CDIP1: variants seen among roughly 807,000 people sequenced by gnomAD.
CDIP1 encodes the protein cell death inducing p53 target 1.
CDIP1 carries 9 observed loss-of-function variants against 17.7 expected under a neutral mutation model. The ratio of observed to expected loss-of-function variants is 0.51; its 90% CI spans 0.31 to 0.89. CDIP1 has a LOEUF of 0.89. CDIP1 is among the 40% of genes least tolerant of loss of function. The pLI is 0.05. For synonymous variants in CDIP1, 117 were observed against 109.5 expected (o/e 1.07, Z -0.43); for missense variants, 263 against 277.9 (o/e 0.95, Z 0.38).
At chr16:4,535,979 G>C (rs1016401652) in intron 1 of CDIP1, among the ~76,000 whole-genome samples, 2 of 152,176 alleles carry the variant, frequency 1.3e-5, no homozygotes, top group African/African-American at 2.4e-5. Flanking sequence ...GTCCCCTCGT[G>C]GGGGAAAGGG....
intron 1 of CDIP1, among the ~76,000 whole-genome samples, chr16:4,534,857 T>C (rs1429187647): frequency 5.3e-5 from 8 of 152,030 alleles, no homozygotes; most frequent in Admixed American, 1.3e-4. Context: ...TAGCTGGGAT[T>C]ACAGGCATGC....
At position 4,529,253 on chromosome 16, in the gene CDIP1, C is replaced by G. The variant is rs1236976899; in HGVS notation, c.-105+9449G>C. Reference sequence around the variant, plus strand: ...CTGTAAAGTTGGAATGTAATGACCTCACAGTCCTGCTAGCCTAGGAGACCC... The same window carrying G: ...CTGTAAAGTTGGAATGTAATGACCTGACAGTCCTGCTAGCCTAGGAGACCC... On this transcript the variant is annotated intron_variant, in intron 1 of 5. Coordinates refer to ENST00000567695, the MANE Select transcript of CDIP1 (RefSeq NM_013399.3). 3.3e-5 allele frequency among the ~76,000 whole-genome samples: 5 copies of G among 152,182 alleles called. 1 individual carries two copies. The highest frequency in any genetic ancestry group is 1.3e-4 in the Admixed American group (2 of 15,278).
intron 1 of CDIP1, among the ~76,000 whole-genome samples, chr16:4,522,079 C>G (rs1204004230): frequency 6.6e-6 from 1 of 152,196 alleles, no homozygotes; most frequent in Non-Finnish European, 1.5e-5. Flanking sequence ...AAGGGGATGC[C>G]TCTACCGGAT....
At chr16:4,516,835 G>A (rs939383973) in intron 1 of CDIP1, among the ~76,000 whole-genome samples, 1 of 150,052 alleles carries the variant, frequency 6.7e-6, no homozygotes, top group East Asian at 2.0e-4. Context: ...AGCCTCCCAA[G>A]TAGCTGAGAC....
intron 1 of CDIP1, among the ~76,000 whole-genome samples, chr16:4,530,667 C>CA (rs1025735638): frequency 2.7e-5 from 4 of 148,170 alleles, no homozygotes; most frequent in African/African-American, 4.9e-5. Context: ...AAAACAAAAA[C>CA]AAAAAAAACA....
chr16:4,513,967 A>G lies in CDIP1; in HGVS notation c.85+79T>C. The G allele has an allele frequency of 7.5e-7, 1 of 1,338,746 alleles. No homozygotes were observed. The highest frequency in any genetic ancestry group is 1.0e-6 in the Non-Finnish European group (1 of 983,772). 82.9% of individuals were successfully genotyped at this position (1,338,746 alleles called of 1,614,324 possible). On this transcript the variant is annotated intron_variant, in intron 3 of 5. Coordinates refer to ENST00000567695, the MANE Select transcript of CDIP1 (RefSeq NM_013399.3). This position sits in a 1 kb window ranked among gnomAD's most constrained non-coding sequence, Gnocchi z 4.1. The stretch of plus-strand genomic sequence containing the variant: ...GCCCAGGGGTAACCCTGGAGTGGGC[A>G]TCACCACTTAGAGAGTCCCAACCAT...
intron 1 of CDIP1, among the ~76,000 whole-genome samples, chr16:4,519,281 T>C (rs2058919978): frequency 6.6e-6 from 1 of 152,176 alleles, no homozygotes; most frequent in Non-Finnish European, 1.5e-5. Context: ...TGGGGGTTTC[T>C]CCCCAATAAC....
At chr16:4,536,618 T>C (rs1596499971) in intron 1 of CDIP1, 1 of 152,282 alleles carries the variant, frequency 6.6e-6, no homozygotes, top group South Asian at 2.1e-4. Context: ...ATGGTGATTC[T>C]AGAACCACGG....
rs1253726917 is a variant in CDIP1, at chr16:4,510,729, A to G, written c.*1843T>C. The G allele has an allele frequency of 1.3e-5, 2 of 152,244 alleles. No individual in the cohort carries two copies. The highest frequency in any genetic ancestry group is 4.8e-5 in the African/African-American group (2 of 41,468). The allele number at this position is 152,244 out of a possible 1,614,324, so 9.4% of individuals were successfully genotyped here. ...CATGAACTTAAATAATTTTATTAAT[A>G]GGAATCTACTACCTGTAAAAGTTTT... On this transcript the variant is annotated 3_prime_UTR_variant, in exon 6 of 6. Coordinates refer to ENST00000567695, the MANE Select transcript of CDIP1 (RefSeq NM_013399.3).
chr16:4,525,422 A>T (rs2058989732), intron 1 of CDIP1, among the ~76,000 whole-genome samples: 1 of 152,104 alleles, frequency 6.6e-6, no homozygotes. Context: ...AGTGAACGTT[A>T]ATAGAGCATG....
chr16:4,512,469 G>A lies in CDIP1; in HGVS notation c.*103C>T, dbSNP rs1861653. The A allele has an allele frequency of 4.4e-3, 3,632 of 827,240 alleles. 7 individuals are homozygous for A. The highest frequency in any genetic ancestry group is 5.5e-3 in the Non-Finnish European group (2,678 of 484,534). 51.2% of individuals were successfully genotyped at this position (827,240 alleles called of 1,614,324 possible). A position where few individuals can be genotyped will look rare whatever the true frequency, so the allele number is the denominator to read the frequency against. ...CAGGACTTCTAGGGGATGGTGGCAC[G>A]GCTCCCAGCCCCAAGTGGGAGCGGG... On this transcript the variant is annotated 3_prime_UTR_variant, in exon 6 of 6. Coordinates refer to ENST00000567695, the MANE Select transcript of CDIP1 (RefSeq NM_013399.3). The surrounding 1 kb of genome is among the most constrained non-coding windows in gnomAD (Gnocchi z 4.6).
intron 1 of CDIP1, among the ~76,000 whole-genome samples, chr16:4,530,026 C>A (rs1172068376): frequency 6.6e-6 from 1 of 152,232 alleles, no homozygotes; most frequent in Non-Finnish European, 1.5e-5. Context: ...AGTCACCATA[C>A]ATACCTGTAC....
In CDIP1 at chr16:4,513,135, C is replaced by G; in HGVS notation, c.242-71G>C. ...CCTGCACCAGACAAAGAGATTGGCGCAAAGCCCCACGGTCCACAGCGCCCA... is the reference window on the plus strand; with the variant it reads ...CCTGCACCAGACAAAGAGATTGGCGGAAAGCCCCACGGTCCACAGCGCCCA... On this transcript the variant is annotated intron_variant, in intron 4 of 5. Transcript: ENST00000567695. The surrounding 1 kb of genome is among the most constrained non-coding windows in gnomAD (Gnocchi z 4.1). 4.2e-6 allele frequency: 6 copies of G among 1,422,854 alleles called. No individual in the cohort carries two copies. The highest frequency in any genetic ancestry group is 5.6e-6 in the Non-Finnish European group (6 of 1,071,466). The allele number at this position is 1,422,854 out of a possible 1,614,324, so 88.1% of individuals were successfully genotyped here.
At chr16:4,535,836 T>C (rs1262131484) in intron 1 of CDIP1, among the ~76,000 whole-genome samples, 2 of 152,250 alleles carry the variant, frequency 1.3e-5, no homozygotes, top group Non-Finnish European at 2.9e-5. Flanking sequence ...CTGCACTGTA[T>C]TGCAAGGTAG....
rs940548178 is a variant in CDIP1, at chr16:4,538,765, C to G, written c.-168G>C. ...ACCGAACGCCTCGGCAGCTGGCAGT[C>G]GCACTTCTGTCACAAGGAGGCGGGT... On this transcript the variant is annotated 5_prime_UTR_variant, in exon 1 of 6. Coordinates refer to ENST00000567695, the MANE Select transcript of CDIP1 (RefSeq NM_013399.3). 3 of 152,242 alleles carry G rather than the reference C, an allele frequency of 2.0e-5. No individual in the cohort carries two copies. Among genetic ancestry groups the G allele is most frequent in the Non-Finnish European group, 2.9e-5 (2 of 68,070 alleles). The allele number at this position is 152,242 out of a possible 1,614,324, so 9.4% of individuals were successfully genotyped here.
At chr16:4,537,747 C>T (rs921406567) in intron 1 of CDIP1, among the ~76,000 whole-genome samples, 1 of 152,230 alleles carries the variant, frequency 6.6e-6, no homozygotes, top group African/African-American at 2.4e-5. Flanking sequence ...GTGGTTCTGA[C>T]GCAGAGGATC....
At chr16:4,517,577 C>T (rs1323562467) in intron 1 of CDIP1, among the ~76,000 whole-genome samples, 1 of 152,018 alleles carries the variant, frequency 6.6e-6, no homozygotes, top group Non-Finnish European at 1.5e-5. Context: ...CTTGTCTCTA[C>T]AAAAGAAAAA....
chr16:4,524,366 G>C (rs1252050779), intron 1 of CDIP1: 1 of 152,332 alleles, frequency 6.6e-6, no homozygotes, highest in Non-Finnish European at 1.5e-5. Flanking sequence ...ATGAAGTACA[G>C]ACTGGAGATT....
In CDIP1 at chr16:4,516,159, C is replaced by G. The variant is rs559565893; in HGVS notation, c.-104-1495G>C. On this transcript the variant is annotated intron_variant, in intron 1 of 5. Transcript: ENST00000567695. The stretch of plus-strand genomic sequence containing the variant: ...TGAAAACATGCTTGGTGAGAGAAGC[C>G]AGACACAAAAGGCCACATACTGTAT... Among the ~76,000 whole-genome samples the G allele has an allele frequency of 2.6e-5, 4 of 152,254 alleles. No homozygotes were observed. The East Asian group carries it at 7.7e-4, about 29-fold the overall frequency.
Sources: gnomAD v4.1 joint callset for allele counts (sites outside exome capture counted in the v4.1 genomes callset) on GRCh38, gnomAD v4.1.1 for gene constraint, Gnocchi (gnomAD v3.1) non-coding constraint, MANE v1.5 for transcripts, NCBI Gene and HGNC (gene_info 2026-07-23, HGNC 2026-07-21) for gene names.